The following PAK2 variants were observed in gnomAD, a reference collection of about 807,000 sequenced individuals.
PAK2 encodes serine/threonine-protein kinase PAK 2.
Under a neutral mutation model 65.9 loss-of-function variants are expected in PAK2, and 21 were observed. The observed-to-expected ratio is 0.32, with a 90% CI of 0.23 to 0.46. PAK2 has a LOEUF of 0.46. PAK2 is among the 20% of genes least tolerant of loss of function. The pLI, the probability that PAK2 is intolerant of heterozygous loss-of-function variation, is 1.00. For synonymous variants in PAK2, 204 were observed against 219.7 expected (o/e 0.93, Z 0.63); for missense variants, 324 against 642.6 (o/e 0.50, Z 5.36).
At chr3:196,800,255 G>T (rs532337470) in intron 2 of PAK2, among the ~76,000 whole-genome samples, 2 of 152,254 alleles carry the variant, frequency 1.3e-5, no homozygotes, top group South Asian at 4.2e-4. Flanking sequence ...GATGGTGCAT[G>T]CCTGTAATCC....
At chr3:196,793,682 CAA>C (rs1184912561) in intron 2 of PAK2, among the ~76,000 whole-genome samples, 1 of 151,980 alleles carries the variant, frequency 6.6e-6, no homozygotes, top group East Asian at 1.9e-4. Flanking sequence ...GTATAATCGT[CAA>C]AGAGAGGAGA....
intron 10 of PAK2, among the ~76,000 whole-genome samples, chr3:196,813,755 T>C (rs75540841): frequency 6.6e-6 from 1 of 151,902 alleles, no homozygotes; most frequent in Admixed American, 6.6e-5. Context: ...ATCGAGACCA[T>C]CCTGGCCAAC....
At chr3:196,804,845 A>G (rs1233290397) in intron 4 of PAK2, among the ~76,000 whole-genome samples, 2 of 149,676 alleles carry the variant, frequency 1.3e-5, no homozygotes, top group Non-Finnish European at 3.0e-5. Context: ...ATATATATAT[A>G]CACACACACA....
intron 1 of PAK2, among the ~76,000 whole-genome samples, chr3:196,781,970 G>A (rs1419551342): frequency 6.6e-6 from 1 of 152,150 alleles, no homozygotes; most frequent in Non-Finnish European, 1.5e-5. Context: ...GCCGAAAGTG[G>A]TGGCATGCGG....
chr3:196,759,721 T>G (rs1713900350), intron 1 of PAK2, among the ~76,000 whole-genome samples: 1 of 151,850 alleles, frequency 6.6e-6, no homozygotes, highest in Non-Finnish European at 1.5e-5. Context: ...GAGATGGGGT[T>G]TCACCATACT....
intron 2 of PAK2, among the ~76,000 whole-genome samples, chr3:196,793,847 C>A (rs547900337): frequency 2.0e-5 from 3 of 152,230 alleles, no homozygotes; most frequent in African/African-American, 7.2e-5. Flanking sequence ...AGAAAATTCT[C>A]CCTGCTGGAG....
At chr3:196,813,776 CCT>C (rs1250830858) in intron 10 of PAK2, among the ~76,000 whole-genome samples, 1 of 151,840 alleles carries the variant, frequency 6.6e-6, no homozygotes, top group African/African-American at 2.4e-5. Context: ...GTGGTGAAAC[CCT>C]GTCTCTACTA....
chr3:196,781,867 G>A (rs757266582), intron 1 of PAK2, among the ~76,000 whole-genome samples: 28 of 152,234 alleles, frequency 1.8e-4, no homozygotes, highest in Non-Finnish European at 4.0e-4. Context: ...ACTGTGGGAG[G>A]CCAAGGTGGG....
intron 1 of PAK2, among the ~76,000 whole-genome samples, chr3:196,762,797 A>G (rs1256263192): frequency 7.0e-5 from 3 of 42,874 alleles, no homozygotes; most frequent in Non-Finnish European, 1.4e-4. Flanking sequence ...CTCCGTCTCA[A>G]AAAAAAAAAA....
intron 13 of PAK2, among the ~76,000 whole-genome samples, chr3:196,823,798 A>C (rs1439048451): frequency 6.8e-6 from 1 of 147,944 alleles, no homozygotes; most frequent in African/African-American, 2.5e-5. Flanking sequence ...GGCGACAGGG[A>C]GAGATTCTGT....
intron 1 of PAK2, among the ~76,000 whole-genome samples, chr3:196,762,106 G>A (rs1306403896): frequency 1.9e-4 from 25 of 132,762 alleles, no homozygotes; most frequent in African/African-American, 6.7e-4. Context: ...ATGGGGCGGC[G>A]GGGCAGAGGC....
chr3:196,769,234 G>A (rs1484199616), intron 1 of PAK2, among the ~76,000 whole-genome samples: 1 of 151,766 alleles, frequency 6.6e-6, no homozygotes, highest in Admixed American at 6.6e-5. Context: ...GCTGAGGTGG[G>A]AGGATTACTT....
At chr3:196,790,041 G>T (rs1272004813) in intron 2 of PAK2, among the ~76,000 whole-genome samples, 1 of 152,214 alleles carries the variant, frequency 6.6e-6, no homozygotes, top group East Asian at 1.9e-4. Context: ...CTGGTCCACG[G>T]CCCTGGGGCT....
At chr3:196,826,924 A>G (rs1711896284) in intron 13 of PAK2, among the ~76,000 whole-genome samples, 1 of 150,586 alleles carries the variant, frequency 6.6e-6, no homozygotes, top group African/African-American at 2.5e-5. Context: ...CCGTCTCAAC[A>G]AAAAAAAACA....
In PAK2 at chr3:196,829,703, T is replaced by C. The variant is rs2108780307; in HGVS notation, c.*1298T>C. ...ACTTGAGCGACAGAGTATTTCTTGA[T>C]GAATTTATAGATCATTTGAGATGTT... On this transcript the variant is annotated 3_prime_UTR_variant, in exon 15 of 15. Coordinates refer to ENST00000327134, the MANE Select transcript of PAK2 (RefSeq NM_002577.4). 1 of 152,348 alleles carries C rather than the reference T, an allele frequency of 6.6e-6. No homozygotes were observed. The highest frequency in any genetic ancestry group is 2.4e-5 in the African/African-American group (1 of 41,572). 9.4% of individuals were successfully genotyped at this position (152,348 alleles called of 1,614,324 possible). A position where few individuals can be genotyped will look rare whatever the true frequency, so the allele number is the denominator to read the frequency against.
chr3:196,819,841 T>C (rs1222479429), intron 12 of PAK2, among the ~76,000 whole-genome samples: 1 of 152,136 alleles, frequency 6.6e-6, no homozygotes, highest in Non-Finnish European at 1.5e-5. Context: ...TTTGTTTTAT[T>C]CAAAAATAGT....
At chr3:196,767,269 C>T (rs1321192816) in intron 1 of PAK2, among the ~76,000 whole-genome samples, 2 of 151,802 alleles carry the variant, frequency 1.3e-5, no homozygotes, top group Non-Finnish European at 2.9e-5. Context: ...GTGAGTATAT[C>T]CTTTGGATAG....
chr3:196,811,106 T>G (rs1409549744), intron 8 of PAK2, among the ~76,000 whole-genome samples: 1 of 151,906 alleles, frequency 6.6e-6, no homozygotes, highest in Non-Finnish European at 1.5e-5. Context: ...AATAAACACC[T>G]AAATTTTTAA....
intron 1 of PAK2, among the ~76,000 whole-genome samples, chr3:196,773,192 T>G (rs1714416198): frequency 6.6e-6 from 1 of 152,228 alleles, no homozygotes; most frequent in South Asian, 2.1e-4. Context: ...TTTCGCCTAC[T>G]TGTTTTTCAC....
Sources: allele counts gnomAD v4.1 joint callset (sites outside exome capture counted in the v4.1 genomes callset), GRCh38; gene constraint gnomAD v4.1.1; transcripts MANE v1.5; gene names NCBI Gene and HGNC (gene_info 2026-07-23, HGNC 2026-07-21).